Variants in USP42 observed in about 807,000 individuals in gnomAD.
The protein encoded by USP42 is ubiquitin carboxyl-terminal hydrolase 42.
In USP42, 23 loss-of-function variants were observed where a neutral mutation model predicts 113.0. That is an observed-to-expected ratio of 0.20 (90% CI 0.15 to 0.29). The LOEUF is 0.29. Ranked by LOEUF, USP42 falls within the 10% of genes least tolerant of loss-of-function variation. The pLI is 1.00. For missense variants in USP42, 2,174 were observed against 1,779.8 expected (o/e 1.22, Z -3.99); for synonymous variants, 933 against 699.0 (o/e 1.33, Z -5.28).
At chr7:6,111,583 T>C (rs536288693) in intron 2 of USP42, among the ~76,000 whole-genome samples, 1 of 151,738 alleles carries the variant, frequency 6.6e-6, no homozygotes, top group East Asian at 2.0e-4. Flanking sequence ...GCTAGAATAT[T>C]ATTAGTTTCT....
At chr7:6,111,478 AC>A in intron 2 of USP42, 104 bp downstream of exon 2, 3 of 1,387,864 alleles carry the variant, frequency 2.2e-6, no homozygotes, top group Non-Finnish European at 2.9e-6. Context: ...GCGTGAGGCC[AC>A]CTGAGTGGCC....
At position 6,154,249 on chromosome 7, in the gene USP42, C is replaced by A. The variant is rs374371556; in HGVS notation, c.2695C>A (p.Pro899Thr). 1.9e-6 allele frequency: 3 copies of A among 1,604,554 alleles called. No homozygotes were observed. Reference sequence around the variant, plus strand: ...GGGCGCACCCGAGGCCGCAGAGCGGCCGCCAGCTCCTGTGCTGGACATGGC... The same window carrying A: ...GGGCGCACCCGAGGCCGCAGAGCGGACGCCAGCTCCTGTGCTGGACATGGC... ...SLGAPEAAER[P>T]PAPVLDMAPA... The change falls in exon 15 of 18, where the codon CCG (proline) becomes ACG (threonine). Residue 899 changes from proline (P) to threonine (T), a missense_variant. Coordinates refer to ENST00000306177, the MANE Select transcript of USP42 (RefSeq NM_032172.3).
intron 1 of USP42, among the ~76,000 whole-genome samples, chr7:6,109,255 AC>A (rs1341403185): frequency 1.3e-5 from 2 of 152,178 alleles, no homozygotes; most frequent in African/African-American, 2.4e-5. Context: ...AGAAAAAAAA[AC>A]AAGACTTCAG....
the USP42 span, among the ~76,000 whole-genome samples, chr7:6,085,803 C>T: frequency 7.5e-3 from 1,126 of 149,802 alleles, 77 homozygotes; most frequent in African/African-American, 0.027. Context: ...TTAGTAGAGA[C>T]GGGATCTCAC....
chr7:6,092,053 C>CTTCTTCTTA, the USP42 span, among the ~76,000 whole-genome samples: 1 of 41,762 alleles, frequency 2.4e-5, no homozygotes, highest in Admixed American at 2.8e-4. Context: ...TCTTCTTCTT[C>CTTCTTCTTA]TTTCTTCTTC....
chr7:6,104,839 G>A (rs895733806), upstream of USP42: 4 of 149,210 alleles, frequency 2.7e-5, no homozygotes, highest in Non-Finnish European at 4.5e-5. Context: ...CCCCTGGGCG[G>A]CGGCGCGTTC....
the USP42 span, among the ~76,000 whole-genome samples, chr7:6,083,670 G>GTA: frequency 2.7e-5 from 4 of 150,520 alleles, 1 homozygote; most frequent in South Asian, 2.1e-4. Context: ...ATTGAGATAT[G>GTA]TATATATACA....
intron 10 of USP42, 70 bp downstream of exon 10, chr7:6,145,726 G>A: frequency 6.6e-7 from 1 of 1,506,032 alleles, no homozygotes; most frequent in Non-Finnish European, 9.0e-7. Flanking sequence ...CATTCTTGGG[G>A]TAGGGAGAGG....
the USP42 span, among the ~76,000 whole-genome samples, chr7:6,082,633 C>T: frequency 1.2e-5 from 1 of 85,956 alleles, no homozygotes; most frequent in African/African-American, 4.7e-5. Flanking sequence ...TTTTTTGAGA[C>T]ACTGTCTCCC....
At chr7:6,100,821 C>T (rs1221203590), upstream of USP42, among the ~76,000 whole-genome samples, 1 of 150,214 alleles carries the variant, frequency 6.7e-6, no homozygotes, top group Non-Finnish European at 1.5e-5. Flanking sequence ...CGCGCGCTAC[C>T]ACACTCAGCT....
rs888935712 is a variant in USP42 at position 6,158,831 on chromosome 7, C to G, written c.3944-619C>G. ...TGCAGGCTCCCAGGATCATGGGCTT[C>G]CAGCTGGGGCTACTGGGAGACAGTG... On this transcript the variant is annotated intron_variant, in intron 16 of 17. Coordinates refer to ENST00000306177, the MANE Select transcript of USP42 (RefSeq NM_032172.3). The surrounding 1 kb of genome is among the most constrained non-coding windows in gnomAD (Gnocchi z 4.2). 3.9e-5 allele frequency among the ~76,000 whole-genome samples: 6 copies of G among 152,100 alleles called. No individual in the cohort carries two copies. The highest frequency in any genetic ancestry group is 1.4e-4 in the African/African-American group (6 of 41,428).
chr7:6,099,216 T>TTG, the USP42 span, among the ~76,000 whole-genome samples: 15 of 138,088 alleles, frequency 1.1e-4, 1 homozygote, highest in Non-Finnish European at 2.2e-4. Flanking sequence ...CCTCTCTTTT[T>TTG]TTTTTTTTTT....
At chr7:6,101,806 C>T (rs1193537905), upstream of USP42, among the ~76,000 whole-genome samples, 2 of 150,984 alleles carry the variant, frequency 1.3e-5, no homozygotes, top group Non-Finnish European at 2.9e-5. Context: ...TGACTGGGCG[C>T]AGTGGCTCAC....
chr7:6,113,296 C>G (rs537539516), intron 2 of USP42, among the ~76,000 whole-genome samples: 1 of 152,058 alleles, frequency 6.6e-6, no homozygotes, highest in Non-Finnish European at 1.5e-5. Context: ...ACAACCTAAT[C>G]GAATGTTGCA....
intron 12 of USP42, among the ~76,000 whole-genome samples, chr7:6,148,127 C>G (rs1306286479): frequency 1.3e-5 from 2 of 152,288 alleles, no homozygotes; most frequent in South Asian, 2.1e-4. Flanking sequence ...CATTTGAGCT[C>G]AGTTGTTTGA....
chr7:6,092,218 C>T, the USP42 span, among the ~76,000 whole-genome samples: 4 of 142,642 alleles, frequency 2.8e-5, no homozygotes, highest in African/African-American at 1.1e-4. Flanking sequence ...CGCTTTGTCG[C>T]CCAGGCTGGA....
chr7:6,155,472 T>G (rs1782392269), intron 15 of USP42, among the ~76,000 whole-genome samples: 2 of 152,250 alleles, frequency 1.3e-5, no homozygotes, highest in Non-Finnish European at 2.9e-5. Flanking sequence ...GGTGAATGCT[T>G]TATAACTCTT....
chr7:6,114,738 T>G (rs1279944981), intron 2 of USP42, among the ~76,000 whole-genome samples: 1 of 130,028 alleles, frequency 7.7e-6, no homozygotes, highest in Non-Finnish European at 1.6e-5. Context: ...TCTCCCAGGC[T>G]GGAGTGCAGT....
intron 3 of USP42, among the ~76,000 whole-genome samples, chr7:6,124,587 G>C (rs557731626): frequency 6.6e-6 from 1 of 152,244 alleles, no homozygotes; most frequent in South Asian, 2.1e-4. Context: ...CTTATAAATA[G>C]CTTATTAATT....
Sources: gnomAD v4.1 joint callset for allele counts (sites outside exome capture counted in the v4.1 genomes callset) on GRCh38, gnomAD v4.1.1 for gene constraint, Gnocchi (gnomAD v3.1) non-coding constraint, MANE v1.5 for transcripts, NCBI Gene and HGNC (gene_info 2026-07-23, HGNC 2026-07-21) for gene names.